Variants in FBXL7 observed in about 807,000 individuals in gnomAD.
The protein encoded by FBXL7 is F-box/LRR-repeat protein 7.
FBXL7 carries 12 observed loss-of-function variants against 38.3 expected under a neutral mutation model. That is an observed-to-expected ratio of 0.31 (90% CI 0.20 to 0.51). FBXL7 has a LOEUF of 0.51. FBXL7 is among the 20% of genes least tolerant of loss of function. FBXL7 has a pLI of 0.98. For synonymous variants in FBXL7, 297 were observed against 300.9 expected (o/e 0.99, Z 0.13); for missense variants, 567 against 676.4 (o/e 0.84, Z 1.79).
intron 2 of FBXL7, among the ~76,000 whole-genome samples, chr5:15,757,479 G>A (rs907204818): frequency 6.6e-6 from 1 of 151,220 alleles, no homozygotes; most frequent in African/African-American, 2.4e-5. Context: ...TCAATTCCCT[G>A]TGACAAACAG....
intron 2 of FBXL7, among the ~76,000 whole-genome samples, chr5:15,822,141 A>G (rs1188458458): frequency 6.6e-6 from 1 of 151,456 alleles, no homozygotes; most frequent in Non-Finnish European, 1.5e-5. Flanking sequence ...TCACGAGGTC[A>G]GGAGATCGAG....
chr5:15,613,409 A>T (rs1357335146), intron 1 of FBXL7, among the ~76,000 whole-genome samples: 1 of 152,204 alleles, frequency 6.6e-6, no homozygotes, highest in Non-Finnish European at 1.5e-5. Flanking sequence ...ATAAATGGCC[A>T]CAGCTGCCAG....
chr5:15,867,638 T>C (rs1739771868), intron 2 of FBXL7, among the ~76,000 whole-genome samples: 1 of 152,226 alleles, frequency 6.6e-6, no homozygotes. Context: ...CAGATTGAAT[T>C]AAGGTTACTG....
At chr5:15,585,273 TA>T (rs1014962375) in intron 1 of FBXL7, among the ~76,000 whole-genome samples, 1 of 152,170 alleles carries the variant, frequency 6.6e-6, no homozygotes, top group African/African-American at 2.4e-5. Flanking sequence ...AACCTAATTG[TA>T]ATGCATGGTT....
intron 2 of FBXL7, among the ~76,000 whole-genome samples, chr5:15,834,041 T>C (rs1226445226): frequency 1.3e-5 from 2 of 152,238 alleles, no homozygotes; most frequent in Non-Finnish European, 2.9e-5. Context: ...AATGTTGAAC[T>C]ATAGAGCCAT....
intron 1 of FBXL7, among the ~76,000 whole-genome samples, chr5:15,538,412 G>C (rs993567276): frequency 4.6e-5 from 7 of 152,158 alleles, no homozygotes; most frequent in Admixed American, 1.3e-4. Context: ...TTCGTTATTA[G>C]AATATTCAAG....
At chr5:15,530,666 G>A (rs1235398080) in intron 1 of FBXL7, among the ~76,000 whole-genome samples, 2 of 152,192 alleles carry the variant, frequency 1.3e-5, no homozygotes, top group Non-Finnish European at 2.9e-5. Flanking sequence ...AAAGGGAAAA[G>A]GTATATGGGA....
intron 2 of FBXL7, among the ~76,000 whole-genome samples, chr5:15,924,084 C>T (rs1016079078): frequency 6.6e-6 from 1 of 152,126 alleles, no homozygotes; most frequent in African/African-American, 2.4e-5. Context: ...TAAATCTCTG[C>T]GTACTCATAA....
intron 2 of FBXL7, among the ~76,000 whole-genome samples, chr5:15,868,562 T>G (rs1007533510): frequency 6.6e-6 from 1 of 152,208 alleles, no homozygotes; most frequent in Admixed American, 6.5e-5. Context: ...ATTCTGTACA[T>G]GGATAGAATC....
At chr5:15,585,503 C>T (rs1739273582) in intron 1 of FBXL7, among the ~76,000 whole-genome samples, 1 of 152,146 alleles carries the variant, frequency 6.6e-6, no homozygotes, top group Non-Finnish European at 1.5e-5. Context: ...TCAAAAGTGC[C>T]AACAGTCATC....
intron 2 of FBXL7, among the ~76,000 whole-genome samples, chr5:15,845,627 T>A (rs191280954): frequency 6.6e-6 from 1 of 152,148 alleles, no homozygotes; most frequent in East Asian, 1.9e-4. Flanking sequence ...TATCATTACT[T>A]AACTTCTTTT....
At chr5:15,564,985 A>C (rs1421671663) in intron 1 of FBXL7, among the ~76,000 whole-genome samples, 1 of 152,140 alleles carries the variant, frequency 6.6e-6, no homozygotes, top group African/African-American at 2.4e-5. Context: ...TTTTAATATA[A>C]AGATAAGGTT....
chr5:15,765,811 A>G (rs142500338), intron 2 of FBXL7, among the ~76,000 whole-genome samples: 119 of 151,932 alleles, frequency 7.8e-4, no homozygotes, highest in Admixed American at 1.1e-3. Flanking sequence ...TCAAACTCAC[A>G]CTGTAGTACT....
At chr5:15,848,531 G>A (rs1738991110) in intron 2 of FBXL7, among the ~76,000 whole-genome samples, 1 of 152,058 alleles carries the variant, frequency 6.6e-6, no homozygotes, top group Admixed American at 6.6e-5. Context: ...ACCAGCACCT[G>A]CCACCACGCC....
At position 15,689,256 on chromosome 5, in the gene FBXL7, G is replaced by A. The variant is rs1163102061; in HGVS notation, c.127+73184G>A. Among the ~76,000 whole-genome samples, 3 of 135,814 alleles carry A rather than the reference G, an allele frequency of 2.2e-5. No homozygotes were observed. In the East Asian group the frequency reaches 6.9e-4, roughly 31 times the overall value. 89.1% of individuals were successfully genotyped at this position (135,814 alleles called of 152,430 possible). A position where few individuals can be genotyped will look rare whatever the true frequency, so the allele number is the denominator to read the frequency against. On this transcript the variant is annotated intron_variant, in intron 2 of 3. Transcript: ENST00000504595. ...ATTCACCTCTTGCTGCTTGTCATCA[G>A]TTTATTTTCAGTTTTTTTTTTTTTT...
At chr5:15,663,218 C>G (rs945363959) in intron 2 of FBXL7, among the ~76,000 whole-genome samples, 1 of 152,112 alleles carries the variant, frequency 6.6e-6, no homozygotes, top group Non-Finnish European at 1.5e-5. Flanking sequence ...TCTTTCGCCT[C>G]TCTGATTAGC....
intron 2 of FBXL7, among the ~76,000 whole-genome samples, chr5:15,679,730 T>C (rs1742785860): frequency 1.3e-5 from 2 of 152,176 alleles, no homozygotes; most frequent in Admixed American, 6.5e-5. Context: ...AAGCATTGAA[T>C]GACATTTTTA....
At chr5:15,764,751 G>A (rs1032740998) in intron 2 of FBXL7, among the ~76,000 whole-genome samples, 17 of 152,250 alleles carry the variant, frequency 1.1e-4, no homozygotes, top group Admixed American at 1.0e-3. Flanking sequence ...TGGGAGCACT[G>A]AAATACAAAC....
intron 1 of FBXL7, among the ~76,000 whole-genome samples, chr5:15,521,937 T>C (rs1386815590): frequency 6.6e-6 from 1 of 152,222 alleles, no homozygotes; most frequent in Non-Finnish European, 1.5e-5. Context: ...AAGCTTTTAA[T>C]AGTAATTAGA....
Sources: gnomAD v4.1 joint callset for allele counts (sites outside exome capture counted in the v4.1 genomes callset) on GRCh38, gnomAD v4.1.1 for gene constraint, MANE v1.5 for transcripts, NCBI Gene and HGNC (gene_info 2026-07-23, HGNC 2026-07-21) for gene names.